Variants in DACH1 observed in about 807,000 individuals in gnomAD.
DACH1 encodes dachshund homolog 1.
A neutral mutation model predicts 54.2 loss-of-function variants in DACH1; 12 were observed. The observed-to-expected ratio is 0.22, with a 90% CI of 0.14 to 0.36. The LOEUF (loss-of-function observed/expected upper bound fraction) is 0.36. DACH1 is among the 10% of genes least tolerant of loss of function. DACH1 has a pLI of 1.00. For missense variants in DACH1, 805 were observed against 929.8 expected, an observed-to-expected ratio of 0.87 and a Z score of 1.75; for synonymous variants, 386 against 366.2, an observed-to-expected ratio of 1.05 and a Z score of -0.62.
chr13:71,703,338 G>A (rs754308577), intron 1 of DACH1, among the ~76,000 whole-genome samples: 17 of 152,234 alleles, frequency 1.1e-4, no homozygotes, highest in East Asian at 3.9e-4. Context: ...GACATATACC[G>A]TCACTGGGAA....
rs560405544 is a variant in DACH1 at position 71,538,628 on chromosome 13, G to C, written c.1570+18396C>G. Among the ~76,000 whole-genome samples, 5 of 152,110 alleles carry C rather than the reference G, an allele frequency of 3.3e-5. No homozygotes were observed. In the South Asian group the frequency reaches 1.0e-3, roughly 32 times the overall value. On this transcript the variant is annotated intron_variant, in intron 6 of 10. Transcript: ENST00000613252. ...GTATAAAATATTTAGACCTTCACAT[G>C]AATTCTCCAGGGGAGCACTGAACAA...
chr13:71,660,551 T>C (rs535676280), intron 2 of DACH1, among the ~76,000 whole-genome samples: 36 of 152,012 alleles, frequency 2.4e-4, no homozygotes, highest in African/African-American at 8.4e-4. Flanking sequence ...AGGCATGGAG[T>C]TATGAATTCA....
intron 1 of DACH1, among the ~76,000 whole-genome samples, chr13:71,700,981 A>T (rs74777664): frequency 0.04 from 6,039 of 152,244 alleles, 379 homozygotes; most frequent in African/African-American, 0.14. Context: ...CAATTATAGA[A>T]TAAAAAACAC....
At chr13:71,608,394 C>T (rs1388644358) in intron 3 of DACH1, among the ~76,000 whole-genome samples, 4 of 151,916 alleles carry the variant, frequency 2.6e-5, no homozygotes, top group Non-Finnish European at 4.4e-5. Context: ...TTGTTAAGAA[C>T]ATAAGTAGTG....
At chr13:71,454,145 G>A (rs1053798039) in intron 10 of DACH1, among the ~76,000 whole-genome samples, 5 of 152,180 alleles carry the variant, frequency 3.3e-5, no homozygotes, top group Non-Finnish European at 7.3e-5. Flanking sequence ...GAAGCCTGGA[G>A]AAAGCAGTTA....
intron 1 of DACH1, among the ~76,000 whole-genome samples, chr13:71,717,543 CAT>C (rs1883033546): frequency 6.9e-6 from 1 of 144,850 alleles, no homozygotes; most frequent in Non-Finnish European, 1.5e-5. Context: ...CACACACACA[CAT>C]TAATTCTATG....
intron 6 of DACH1, among the ~76,000 whole-genome samples, chr13:71,545,714 G>T (rs1883424082): frequency 6.6e-6 from 1 of 151,960 alleles, no homozygotes; most frequent in Non-Finnish European, 1.5e-5. Flanking sequence ...TAATTCATTT[G>T]TGCTGTCTTT....
In DACH1 at chr13:71,630,733, T is replaced by C; in HGVS notation, c.965-16A>G. On this transcript the variant is annotated splice_polypyrimidine_tract_variant and intron_variant, in intron 2 of 10. Transcript: ENST00000613252. Reference sequence around the variant, plus strand: ...GCTGTCAGACCTTAAAAGAATAAATTAAAAATGAGGTAATTCAAATTCTGA... The same window carrying C: ...GCTGTCAGACCTTAAAAGAATAAATCAAAAATGAGGTAATTCAAATTCTGA... 6.5e-7 allele frequency: 1 copy of C among 1,545,762 alleles called. No homozygotes were observed. The highest frequency in any genetic ancestry group is 8.7e-7 in the Non-Finnish European group (1 of 1,156,044).
rs116743207 is a variant in DACH1, at chr13:71,451,813, G to T, written c.2084-11121C>A. On this transcript the variant is annotated intron_variant, in intron 10 of 10. Coordinates refer to ENST00000613252, the MANE Select transcript of DACH1 (RefSeq NM_080759.6). The stretch of plus-strand genomic sequence containing the variant: ...GGTCAAATGACAAAATTGGAAGTTG[G>T]ATGTCAGATCAGATCAAAGTATTGT... Among the ~76,000 whole-genome samples the T allele has an allele frequency of 4.6e-3, 702 of 152,248 alleles. 8 individuals carry two copies. Among genetic ancestry groups the T allele is most frequent in the African/African-American group, 0.015 (642 of 41,550 alleles).
chr13:71,562,011 G>C (rs909481924), intron 4 of DACH1, among the ~76,000 whole-genome samples: 6 of 150,926 alleles, frequency 4.0e-5, no homozygotes, highest in Admixed American at 2.0e-4. Flanking sequence ...ATATTGTAAA[G>C]GAAAAGAAAA....
chr13:71,809,345 G>GT (rs973207490), intron 1 of DACH1, among the ~76,000 whole-genome samples: 7 of 151,874 alleles, frequency 4.6e-5, no homozygotes, highest in African/African-American at 1.5e-4. Flanking sequence ...TAACTTTTTT[G>GT]TTTTTTGCAG....
At position 71,866,840 on chromosome 13, in the gene DACH1, AG is replaced by A; in HGVS notation, c.-72del. 1 of 1,096,220 alleles carries A rather than the reference AG, an allele frequency of 9.1e-7. No homozygotes were observed. The highest frequency in any genetic ancestry group is 1.1e-6 in the Non-Finnish European group (1 of 887,234). The allele number at this position is 1,096,220 out of a possible 1,614,324, so 67.9% of individuals were successfully genotyped here. ...GTTGCCACACACCCCCGGGAGGGGA[AG>A]GGGAAAAAAGGGGGGAGAAGGAGCG... On this transcript the variant is annotated 5_prime_UTR_variant, in exon 1 of 11. Transcript: ENST00000613252.
chr13:71,440,950 G>A lies in DACH1; in HGVS notation c.2084-258C>T, dbSNP rs75060590. ...TTTGATATCAGTTCCAGAGCACTCA[G>A]AAAATAGCTAAGAGTATGTGTGTGT... On this transcript the variant is annotated intron_variant, in intron 10 of 10. Coordinates refer to ENST00000613252, the MANE Select transcript of DACH1 (RefSeq NM_080759.6). Among the ~76,000 whole-genome samples, 199 of 152,066 alleles carry A rather than the reference G, an allele frequency of 1.3e-3. 2 individuals carry two copies. The East Asian group carries it at 0.031, about 23-fold the overall frequency.
At chr13:71,632,751 C>T (rs1877206946) in intron 2 of DACH1, among the ~76,000 whole-genome samples, 1 of 152,100 alleles carries the variant, frequency 6.6e-6, no homozygotes, top group African/African-American at 2.4e-5. Context: ...TGGGTCTTTA[C>T]ATGAAAAACT....
intron 1 of DACH1, among the ~76,000 whole-genome samples, chr13:71,722,870 T>C (rs1197342202): frequency 6.6e-6 from 1 of 152,000 alleles, no homozygotes; most frequent in Non-Finnish European, 1.5e-5. Context: ...GCTGGGGGTG[T>C]AGCTAAAGAG....
At chr13:71,543,184 A>AT (rs1883245860) in intron 6 of DACH1, among the ~76,000 whole-genome samples, 1 of 152,110 alleles carries the variant, frequency 6.6e-6, no homozygotes, top group Non-Finnish European at 1.5e-5. Context: ...TTGGGATCTG[A>AT]AGGACTTAGG....
At chr13:71,694,151 C>T (rs958507365) in intron 1 of DACH1, among the ~76,000 whole-genome samples, 1 of 152,024 alleles carries the variant, frequency 6.6e-6, no homozygotes, top group South Asian at 2.1e-4. Context: ...TGTATGCCAC[C>T]TCTGGAGAAA....
intron 1 of DACH1, among the ~76,000 whole-genome samples, chr13:71,757,217 C>T (rs1885202803): frequency 6.6e-6 from 1 of 152,062 alleles, no homozygotes; most frequent in Non-Finnish European, 1.5e-5. Context: ...TAAATCAATA[C>T]ATAGTAATTC....
At chr13:71,665,328 T>C (rs1456015824) in intron 2 of DACH1, among the ~76,000 whole-genome samples, 3 of 152,106 alleles carry the variant, frequency 2.0e-5, no homozygotes, top group Non-Finnish European at 4.4e-5. Context: ...TGGTCAATAA[T>C]GTGGAAATAT....
Sources: gnomAD v4.1 joint callset for allele counts (sites outside exome capture counted in the v4.1 genomes callset) on GRCh38, gnomAD v4.1.1 for gene constraint, MANE v1.5 for transcripts, NCBI Gene and HGNC (gene_info 2026-07-23, HGNC 2026-07-21) for gene names.